Variants in SPTA1 observed in about 807,000 individuals in gnomAD.
The protein encoded by SPTA1 is spectrin alpha, erythrocytic 1, also known as spectrin alpha chain, erythrocytic 1.
In SPTA1, 177 loss-of-function variants were observed where a neutral mutation model predicts 324.7. The ratio of observed to expected loss-of-function variants is 0.55; its 90% confidence interval spans 0.48 to 0.62. The LOEUF is 0.62. Ranked by LOEUF, SPTA1 falls within the 20% of genes least tolerant of loss-of-function variation. The probability of loss-of-function intolerance (pLI) is 0.00; values close to 1 mark genes in which losing one functional copy is unlikely to be tolerated. For missense variants in SPTA1, 3,162 were observed against 2,883.6 expected (o/e 1.10, Z -2.21); for synonymous variants, 1,195 against 1,041.3 (o/e 1.15, Z -2.84).
At chr1:158,682,495 A>G (rs1462936924) in intron 3 of SPTA1, among the ~76,000 whole-genome samples, 1 of 152,146 alleles carries the variant, frequency 6.6e-6, no homozygotes, top group Non-Finnish European at 1.5e-5. Context: ...AAGTTTTGAA[A>G]TTTTCCTTTT....
chr1:158,647,925 T>A (rs950925710), intron 26 of SPTA1, among the ~76,000 whole-genome samples: 4 of 152,182 alleles, frequency 2.6e-5, no homozygotes, highest in African/African-American at 9.7e-5. Flanking sequence ...TACTTCTTTT[T>A]AAAAATAAGA....
At chr1:158,649,630 T>C (rs1480103323) in intron 25 of SPTA1, among the ~76,000 whole-genome samples, 1 of 152,230 alleles carries the variant, frequency 6.6e-6, no homozygotes, top group African/African-American at 2.4e-5. Context: ...GACTACTAAT[T>C]ATGTTCCAAG....
At chr1:158,622,525 C>T (rs1483601722) in intron 43 of SPTA1, among the ~76,000 whole-genome samples, 4 of 152,046 alleles carry the variant, frequency 2.6e-5, no homozygotes, top group Non-Finnish European at 1.5e-5. Context: ...ACTCAATTTT[C>T]TAAATGGGGA....
intron 39 of SPTA1, among the ~76,000 whole-genome samples, chr1:158,634,216 A>G (rs1339059866): frequency 6.6e-6 from 1 of 152,126 alleles, no homozygotes; most frequent in African/African-American, 2.4e-5. Flanking sequence ...AATTCAAGGG[A>G]ATCCTTTCAA....
At chr1:158,677,395 C>T (rs1654460198) in intron 7 of SPTA1, among the ~76,000 whole-genome samples, 1 of 151,934 alleles carries the variant, frequency 6.6e-6, no homozygotes, top group Non-Finnish European at 1.5e-5. Flanking sequence ...AGGAATCAAC[C>T]TTGAAGGTAT....
At position 158,627,737 on chromosome 1, in the gene SPTA1, T is replaced by C. The variant is rs1320529508; in HGVS notation, c.5566-14A>G. The stretch of plus-strand genomic sequence containing the variant: ...CATTAGCAAGCTCTGCATAAATAAG[T>C]CGGTGAGAATTAAGATATCCAAAGC... On this transcript the variant is annotated splice_polypyrimidine_tract_variant and intron_variant, in intron 39 of 51. Coordinates refer to ENST00000643759, the MANE Select transcript of SPTA1 (RefSeq NM_003126.4). 6.2e-7 allele frequency: 1 copy of C among 1,608,954 alleles called. No individual in the cohort carries two copies. The highest frequency in any genetic ancestry group is 1.7e-5 in the Admixed American group (1 of 59,976).
chr1:158,619,460 G>T, intron 44 of SPTA1, 126 bp from the exon 45 acceptor site: 1 of 871,570 alleles, frequency 1.1e-6, no homozygotes, highest in Non-Finnish European at 1.9e-6. Context: ...CCACAGGTAT[G>T]TGCCTGTGTG....
chr1:158,638,424 G>A (rs1037509212), intron 35 of SPTA1, among the ~76,000 whole-genome samples, 183 bp from the exon 36 acceptor site: 1 of 152,162 alleles, frequency 6.6e-6, no homozygotes, highest in African/African-American at 2.4e-5. Context: ...ATATGTGGGA[G>A]CGATAGAGGT....
intron 21 of SPTA1, among the ~76,000 whole-genome samples, chr1:158,654,167 C>T (rs1227050270): frequency 6.6e-6 from 1 of 152,118 alleles, no homozygotes; most frequent in African/African-American, 2.4e-5. Context: ...TATCACTGTT[C>T]TTCCAGGCAC....
intron 27 of SPTA1, 125 bp from the exon 28 acceptor site, chr1:158,645,719 T>C (rs1008687130): frequency 5.0e-6 from 5 of 993,384 alleles, no homozygotes; most frequent in Middle Eastern, 2.1e-4. Context: ...TGGCTTTATA[T>C]GCTTTACAGA....
intron 41 of SPTA1, 52 bp from the exon 42 acceptor site, chr1:158,626,274 C>A: frequency 6.5e-7 from 1 of 1,542,728 alleles, no homozygotes; most frequent in Non-Finnish European, 8.9e-7. Flanking sequence ...TTGTTTGAGT[C>A]CTGGGAAGCA....
chr1:158,668,765 G>A (rs190874583), intron 14 of SPTA1, among the ~76,000 whole-genome samples: 26 of 152,242 alleles, frequency 1.7e-4, no homozygotes, highest in Non-Finnish European at 2.5e-4. Flanking sequence ...CTATGGCACA[G>A]AGATAATTCA....
intron 18 of SPTA1, among the ~76,000 whole-genome samples, chr1:158,659,595 A>ATTATTATTTTTTTTTTTTT: frequency 1.5e-5 from 1 of 68,780 alleles, no homozygotes. Context: ...TCTTAGCATT[A>ATTATTATTTTTTTTTTTTT]TTTTTTTTTT....
intron 39 of SPTA1, among the ~76,000 whole-genome samples, chr1:158,633,400 C>T (rs1366193594): frequency 6.6e-6 from 1 of 151,994 alleles, no homozygotes; most frequent in Non-Finnish European, 1.5e-5. Flanking sequence ...TGTTTTAATG[C>T]CTGTAATCCC....
chr1:158,679,085 G>A (rs1654608086), intron 5 of SPTA1, among the ~76,000 whole-genome samples: 1 of 151,866 alleles, frequency 6.6e-6, no homozygotes, highest in African/African-American at 2.4e-5. Context: ...ACTAGATTAA[G>A]CTGGAAGCAT....
chr1:158,611,047 C>A lies in SPTA1; in HGVS notation c.*217G>T. On this transcript the variant is annotated 3_prime_UTR_variant, in exon 52 of 52. Coordinates refer to ENST00000643759, the MANE Select transcript of SPTA1 (RefSeq NM_003126.4). ...AGTTGCATACAAAATAGCTTCCACTCCTCCAACTCTATTAACCTTTCTATC... is the reference window on the plus strand; with the variant it reads ...AGTTGCATACAAAATAGCTTCCACTACTCCAACTCTATTAACCTTTCTATC... 1.7e-6 allele frequency: 1 copy of A among 595,264 alleles called. No homozygotes were observed. The allele number at this position is 595,264 out of a possible 1,614,324, so 36.9% of individuals were successfully genotyped here.
Position 158,653,424 on chromosome 1 carries a change from T to C in SPTA1, c.3038A>G (p.Asp1013Gly), listed in dbSNP as rs766415028. Residue 1013 changes from aspartate (D) to glycine (G), a missense_variant and splice_region_variant, in exon 22 of 52, where the codon GAC becomes GGC. Physicochemically the swap from Asp to Gly is moderately conservative, Grantham distance 94 (BLOSUM62 -1). Coordinates refer to ENST00000643759, the MANE Select transcript of SPTA1 (RefSeq NM_003126.4). ...ATCAGCAGCTTCCACCTTCCACCAG[T>C]CCTGAAGGGAGAGCAGATCCCCACT... Reference protein sequence around the residue: ...VLTLLSSINKDWWKVEAADHQ... With the variant: ...VLTLLSSINKGWWKVEAADHQ... The C allele has an allele frequency of 3.7e-6, 6 of 1,613,920 alleles. No homozygotes were observed. The highest frequency in any genetic ancestry group is 3.3e-5 in the Admixed American group (2 of 59,980).
At chr1:158,627,791 A>G (rs1326371767) in intron 39 of SPTA1, 68 bp from the exon 40 acceptor site, 54 of 1,457,962 alleles carry the variant, frequency 3.7e-5, no homozygotes, top group Non-Finnish European at 4.5e-5. Context: ...TCATATTCAG[A>G]CTCACGGGTC....
At chr1:158,678,086 T>C (rs868625058) in intron 6 of SPTA1, among the ~76,000 whole-genome samples, 3 of 152,288 alleles carry the variant, frequency 2.0e-5, no homozygotes, top group Non-Finnish European at 1.5e-5. Flanking sequence ...TCCTTACGAA[T>C]GCTTTTCTTC....
Sources: allele counts gnomAD v4.1 joint callset (sites outside exome capture counted in the v4.1 genomes callset), GRCh38; gene constraint gnomAD v4.1.1; transcripts MANE v1.5; gene names NCBI Gene and HGNC (gene_info 2026-07-23, HGNC 2026-07-21).